ERC2: variants seen among roughly 807,000 people sequenced by gnomAD.
ERC2 encodes the protein ELKS/RAB6-interacting/CAST family member 2.
A neutral mutation model predicts 114.8 loss-of-function variants in ERC2; 42 were observed. The observed-to-expected ratio is 0.37, with a 90% CI of 0.29 to 0.47. The LOEUF is 0.47. Ranked by LOEUF, ERC2 falls within the 20% of genes least tolerant of loss-of-function variation. The pLI is 0.99. For synonymous variants in ERC2, 454 were observed against 425.5 expected (o/e 1.07, Z -0.82); for missense variants, 939 against 1,150.7 (o/e 0.82, Z 2.66).
chr3:56,209,008 T>C (rs2048899706), intron 3 of ERC2, among the ~76,000 whole-genome samples: 3 of 152,100 alleles, frequency 2.0e-5, no homozygotes, highest in African/African-American at 7.2e-5. Flanking sequence ...TTCTACAGTA[T>C]AGACATAGTC....
chr3:56,213,934 G>A (rs1285948894), intron 3 of ERC2, among the ~76,000 whole-genome samples: 2 of 152,178 alleles, frequency 1.3e-5, no homozygotes, highest in Admixed American at 6.5e-5. Context: ...CAGACCTGCA[G>A]CTGAAGGTCC....
Position 56,330,234 on chromosome 3 carries a change from T to C in ERC2, c.658-33799A>G, listed in dbSNP as rs180992983. 3.5e-3 allele frequency among the ~76,000 whole-genome samples: 534 copies of C among 152,182 alleles called. 3 individuals are homozygous for C. Among genetic ancestry groups the C allele is most frequent in the Middle Eastern group, 6.8e-3 (2 of 294 alleles). Reference sequence around the variant, plus strand: ...TTTATTTTTACTTAGAGACAAGGTTTCGCTATGTTGCCCACACTGGTCTCG... The same window carrying C: ...TTTATTTTTACTTAGAGACAAGGTTCCGCTATGTTGCCCACACTGGTCTCG... On this transcript the variant is annotated intron_variant, in intron 2 of 17. Coordinates refer to ENST00000288221, the MANE Select transcript of ERC2 (RefSeq NM_015576.3).
chr3:55,957,427 T>C (rs879345954), intron 12 of ERC2, among the ~76,000 whole-genome samples: 1 of 152,152 alleles, frequency 6.6e-6, no homozygotes, highest in Non-Finnish European at 1.5e-5. Context: ...CTAAGGCTCT[T>C]AAAATAGTTC....
chr3:56,136,282 T>G (rs568007967), intron 6 of ERC2, among the ~76,000 whole-genome samples: 73 of 152,234 alleles, frequency 4.8e-4, no homozygotes, highest in African/African-American at 1.7e-3. Context: ...CAAAGCCAGT[T>G]GATGGCACAG....
intron 12 of ERC2, among the ~76,000 whole-genome samples, chr3:55,954,938 T>C (rs1207997590): frequency 6.6e-6 from 1 of 151,808 alleles, no homozygotes; most frequent in Non-Finnish European, 1.5e-5. Flanking sequence ...AGAAGGAAAC[T>C]GAAGAAATTA....
chr3:55,863,544 A>G (rs2062117709), intron 14 of ERC2, among the ~76,000 whole-genome samples: 1 of 152,108 alleles, frequency 6.6e-6, no homozygotes, highest in Non-Finnish European at 1.5e-5. Context: ...TTGGGCTCAG[A>G]AAATTCAAAT....
intron 2 of ERC2, among the ~76,000 whole-genome samples, chr3:56,360,532 G>A (rs1396613295): frequency 2.0e-5 from 3 of 152,270 alleles, no homozygotes; most frequent in Admixed American, 1.3e-4. Context: ...GAGCTCCAAG[G>A]AGGAAAGGTC....
At chr3:55,559,253 AT>A (rs2055838953) in intron 17 of ERC2, among the ~76,000 whole-genome samples, 1 of 152,190 alleles carries the variant, frequency 6.6e-6, no homozygotes, top group East Asian at 1.9e-4. Context: ...CAAGAAAGCA[AT>A]GGTTCTCCAA....
intron 15 of ERC2, among the ~76,000 whole-genome samples, chr3:55,731,295 C>T (rs1208524084): frequency 6.6e-6 from 1 of 152,132 alleles, no homozygotes; most frequent in Non-Finnish European, 1.5e-5. Context: ...CAGCTGTTTG[C>T]AAAGCAGTAA....
chr3:56,236,841 G>C (rs2050980269), intron 3 of ERC2, among the ~76,000 whole-genome samples: 1 of 152,148 alleles, frequency 6.6e-6, no homozygotes, highest in Non-Finnish European at 1.5e-5. Context: ...TCACAGCTTA[G>C]AGGTAAAGCC....
chr3:56,018,479 G>A (rs1334930496), intron 8 of ERC2, among the ~76,000 whole-genome samples: 1 of 152,060 alleles, frequency 6.6e-6, no homozygotes, highest in Admixed American at 6.6e-5. Flanking sequence ...CACATAACTA[G>A]GGAACAGAGA....
intron 17 of ERC2, among the ~76,000 whole-genome samples, chr3:55,683,076 C>A (rs1209403216): frequency 6.6e-6 from 1 of 152,152 alleles, no homozygotes; most frequent in Middle Eastern, 3.2e-3. Context: ...AAATACAAAA[C>A]CCTCTGATAA....
chr3:56,126,522 T>G (rs947652955), intron 6 of ERC2, among the ~76,000 whole-genome samples: 1 of 152,026 alleles, frequency 6.6e-6, no homozygotes, highest in African/African-American at 2.4e-5. Flanking sequence ...CTGTGAGAGG[T>G]TGAGGCACAA....
rs576582327 is a variant in ERC2, at chr3:56,018,919, G to A, written c.1754C>T (p.Thr585Met). Residue 585 changes from threonine (T) to methionine (M), a missense_variant, in exon 8 of 18, where the codon ACG becomes ATG. By Grantham distance (81) the Thr-to-Met change is moderately conservative. Around this residue, in one of 5 missense-constraint regions of ERC2, gnomAD observed 149 missense variants for 254.6 expected, o/e 0.59. Transcript: ENST00000288221. ...DSSNTDTALA[T>M]LEEALSEKER... ...CTTCTCTGACAGAGCTTCCTCTAGC[G>A]TCGCCAGTGCAGTATCTGTATTACT... 2 of 1,612,706 alleles carry A rather than the reference G, an allele frequency of 1.2e-6. No homozygotes were observed. Among genetic ancestry groups the A allele is most frequent in the African/African-American group, 1.3e-5 (1 of 74,954 alleles).
chr3:55,970,318 G>C (rs1447079052), intron 12 of ERC2, among the ~76,000 whole-genome samples: 1 of 151,686 alleles, frequency 6.6e-6, no homozygotes, highest in Non-Finnish European at 1.5e-5. Context: ...TTAGTATTGT[G>C]TATTAAACAG....
chr3:56,362,109 T>G (rs983363080), intron 2 of ERC2, among the ~76,000 whole-genome samples: 1 of 152,118 alleles, frequency 6.6e-6, no homozygotes, highest in Admixed American at 6.6e-5. Flanking sequence ...AGGTAGAGAA[T>G]GAACACTATA....
At chr3:56,389,634 G>A (rs1051025593) in intron 2 of ERC2, among the ~76,000 whole-genome samples, 2 of 152,170 alleles carry the variant, frequency 1.3e-5, no homozygotes, top group African/African-American at 2.4e-5. Context: ...AAGGGAGCTG[G>A]CCTGCTGCTT....
intron 17 of ERC2, among the ~76,000 whole-genome samples, chr3:55,589,700 G>A (rs1455005001): frequency 6.6e-6 from 1 of 152,066 alleles, no homozygotes; most frequent in Non-Finnish European, 1.5e-5. Flanking sequence ...AGTGAGGGGA[G>A]GGCAGGAAGA....
chr3:55,893,236 C>T (rs1027026415), intron 13 of ERC2, among the ~76,000 whole-genome samples: 6 of 152,146 alleles, frequency 3.9e-5, no homozygotes, highest in African/African-American at 7.2e-5. Context: ...TGGACTACGA[C>T]ACTTAGGAAC....
Sources: gnomAD v4.1 joint callset for allele counts (sites outside exome capture counted in the v4.1 genomes callset) on GRCh38, gnomAD v4.1.1 for gene constraint, gnomAD v4.1.1 regional missense constraint, MANE v1.5 for transcripts, NCBI Gene and HGNC (gene_info 2026-07-23, HGNC 2026-07-21) for gene names.